Variants in SHISA9 observed in about 807,000 individuals in gnomAD.
SHISA9 encodes the protein shisa family member 9, also known as protein shisa-9.
In SHISA9, 13 loss-of-function variants were observed where a neutral mutation model predicts 38.0. The ratio of observed to expected loss-of-function variants is 0.34; its 90% CI spans 0.22 to 0.54. SHISA9 has a LOEUF of 0.54. Ranked by LOEUF, SHISA9 falls within the 20% of genes least tolerant of loss-of-function variation. The pLI is 0.91. For synonymous variants in SHISA9, 275 were observed against 242.0 expected (o/e 1.14, Z -1.27); for missense variants, 538 against 575.8 (o/e 0.93, Z 0.67).
chr16:13,382,934 A>G, the SHISA9 span, among the ~76,000 whole-genome samples: 5 of 152,196 alleles, frequency 3.3e-5, no homozygotes, highest in Admixed American at 6.6e-5. Flanking sequence ...ATCAAGCAAT[A>G]TGTTACTGAT....
intron 2 of SHISA9, among the ~76,000 whole-genome samples, chr16:13,165,007 G>T (rs1412754075): frequency 6.6e-6 from 1 of 151,980 alleles, no homozygotes. Flanking sequence ...GCCTTTGATT[G>T]CTTTTATGAT....
chr16:13,339,924 A>C, the SHISA9 span, among the ~76,000 whole-genome samples: 1 of 152,244 alleles, frequency 6.6e-6, no homozygotes, highest in African/African-American at 2.4e-5. Context: ...CACCTTAGCT[A>C]TCAGCAATGA....
chr16:13,420,739 C>T, the SHISA9 span, among the ~76,000 whole-genome samples: 2 of 152,090 alleles, frequency 1.3e-5, no homozygotes, highest in Non-Finnish European at 2.9e-5. Flanking sequence ...GACTGGGAGC[C>T]CACCAACATC....
the SHISA9 span, among the ~76,000 whole-genome samples, chr16:13,257,630 T>G: frequency 3.3e-5 from 5 of 152,196 alleles, no homozygotes; most frequent in Non-Finnish European, 7.3e-5. Context: ...CTTCTGCCAG[T>G]TTAAATACCG....
At chr16:13,417,321 G>A in the SHISA9 span, among the ~76,000 whole-genome samples, 1 of 152,258 alleles carries the variant, frequency 6.6e-6, no homozygotes, top group South Asian at 2.1e-4. Flanking sequence ...ACTTGATAGT[G>A]AAAATGGAAG....
the SHISA9 span, among the ~76,000 whole-genome samples, chr16:13,394,055 A>G: frequency 2.0e-5 from 3 of 152,194 alleles, no homozygotes; most frequent in Non-Finnish European, 4.4e-5. Flanking sequence ...GCCTTGGCGG[A>G]TGGAACTTGA....
chr16:13,396,607 G>C, the SHISA9 span, among the ~76,000 whole-genome samples: 1 of 152,178 alleles, frequency 6.6e-6, no homozygotes, highest in African/African-American at 2.4e-5. Flanking sequence ...TAAATAGAGT[G>C]GTTGTTCAGT....
chr16:13,133,766 C>T (rs138468290), intron 2 of SHISA9, among the ~76,000 whole-genome samples: 14 of 152,274 alleles, frequency 9.2e-5, no homozygotes, highest in African/African-American at 2.6e-4. Flanking sequence ...GCTACATCTT[C>T]ATCACTCTCA....
the SHISA9 span, among the ~76,000 whole-genome samples, chr16:13,468,545 T>C: frequency 4.7e-4 from 71 of 152,390 alleles, 1 homozygote; most frequent in East Asian, 0.013. Flanking sequence ...TTCTATCCTA[T>C]GTTTCTCTTT....
At chr16:13,084,200 TCA>T (rs755575458) in intron 2 of SHISA9, among the ~76,000 whole-genome samples, 7 of 152,180 alleles carry the variant, frequency 4.6e-5, no homozygotes, top group African/African-American at 1.7e-4. Context: ...CAATCCAAGT[TCA>T]CAGAGAGAGT....
the SHISA9 span, among the ~76,000 whole-genome samples, chr16:13,280,952 A>C: frequency 6.6e-6 from 1 of 151,876 alleles, no homozygotes; most frequent in East Asian, 1.9e-4. Flanking sequence ...AGAATATATT[A>C]GGTTGATGCA....
At chr16:13,550,641 G>A in the SHISA9 span, among the ~76,000 whole-genome samples, 1 of 152,164 alleles carries the variant, frequency 6.6e-6, no homozygotes, top group Non-Finnish European at 1.5e-5. Flanking sequence ...GATACACAAG[G>A]AAGCTTTTAA....
At chr16:13,287,059 C>A in the SHISA9 span, among the ~76,000 whole-genome samples, 1 of 152,042 alleles carries the variant, frequency 6.6e-6, no homozygotes, top group African/African-American at 2.4e-5. Flanking sequence ...CAACAGACAC[C>A]AAACACTACT....
rs1194262335 is a variant in SHISA9, at chr16:13,058,864, A to G, written c.691+142049A>G. On this transcript the variant is annotated intron_variant, in intron 2 of 4. Transcript: ENST00000558583. ...GCACACATAATACCGTTGCTCACTA[A>G]CTAACCAATAGCTCAGCAAGGGGAA... 2.0e-5 allele frequency among the ~76,000 whole-genome samples: 3 copies of G among 152,034 alleles called. No homozygotes were observed. In the East Asian group the frequency reaches 5.8e-4, roughly 29 times the overall value.
chr16:12,995,857 A>C (rs969997255), intron 2 of SHISA9, among the ~76,000 whole-genome samples: 1 of 152,198 alleles, frequency 6.6e-6, no homozygotes, highest in African/African-American at 2.4e-5. Context: ...AAAGTCTTGA[A>C]ATTCCTGCTT....
the SHISA9 span, among the ~76,000 whole-genome samples, chr16:13,327,190 T>G: frequency 6.6e-6 from 1 of 152,156 alleles, no homozygotes; most frequent in African/African-American, 2.4e-5. Flanking sequence ...CCAGCCTTTC[T>G]CCCTGCCCGC....
At chr16:13,230,003 T>C (rs951004990) in intron 4 of SHISA9, among the ~76,000 whole-genome samples, 3 of 152,148 alleles carry the variant, frequency 2.0e-5, no homozygotes, top group Non-Finnish European at 2.9e-5. Context: ...TTTATGTAAT[T>C]TGGGGGATTA....
the SHISA9 span, among the ~76,000 whole-genome samples, chr16:13,501,295 C>T: frequency 6.6e-6 from 1 of 152,042 alleles, no homozygotes; most frequent in Admixed American, 6.6e-5. Context: ...ATTACTTAGT[C>T]CTGAGGTTGA....
chr16:12,995,351 A>C (rs1247059796), intron 2 of SHISA9, among the ~76,000 whole-genome samples: 1 of 152,178 alleles, frequency 6.6e-6, no homozygotes, highest in Admixed American at 6.5e-5. Context: ...TTGGGCTGGT[A>C]CTTCTTGAAC....
Sources: gnomAD v4.1 joint callset for allele counts (sites outside exome capture counted in the v4.1 genomes callset) on GRCh38, gnomAD v4.1.1 for gene constraint, MANE v1.5 for transcripts, NCBI Gene and HGNC (gene_info 2026-07-23, HGNC 2026-07-21) for gene names.